Variants in P2RX4 observed in about 807,000 individuals in gnomAD.
P2RX4 encodes the protein P2X purinoceptor 4.
In P2RX4, 37 loss-of-function variants were observed where a neutral mutation model predicts 48.0. The ratio of observed to expected loss-of-function variants is 0.77; its 90% CI spans 0.59 to 1.01. P2RX4 has a LOEUF of 1.01. P2RX4 is among the 50% of genes least tolerant of loss of function. P2RX4 has a pLI of 0.00. For synonymous variants in P2RX4, 200 were observed against 199.7 expected (o/e 1.00, Z -0.01); for missense variants, 501 against 521.4 (o/e 0.96, Z 0.38).
At chr12:121,216,055 A>G (rs978253676) in intron 1 of P2RX4, 1 of 152,238 alleles carries the variant, frequency 6.6e-6, no homozygotes, top group African/African-American at 2.4e-5. Context: ...TGGGCCACAC[A>G]TTAAATATGC....
In P2RX4 at chr12:121,232,295, C is replaced by T. The variant is rs973202682; in HGVS notation, c.885-119C>T. The T allele has an allele frequency of 3.2e-5, 24 of 738,824 alleles. No homozygotes were observed. The highest frequency in any genetic ancestry group is 9.6e-5 in the South Asian group (6 of 62,720). 45.8% of individuals were successfully genotyped at this position (738,824 alleles called of 1,614,324 possible). On this transcript the variant is annotated intron_variant, in intron 8 of 11. Coordinates refer to ENST00000337233, the MANE Select transcript of P2RX4 (RefSeq NM_002560.3). The surrounding 1 kb of genome is among the most constrained non-coding windows in gnomAD (Gnocchi z 4.3). ...CAGGAGAGGCCCCGAGCCGCTCCAG[C>T]GTCCATTCAGCCGGCAGAGTGGACC...
intron 5 of P2RX4, 97 bp from the exon 6 acceptor site, chr12:121,228,436 A>C (rs1016219560): frequency 1.7e-6 from 1 of 605,186 alleles, no homozygotes; most frequent in East Asian, 3.0e-5. Flanking sequence ...ACACACACAC[A>C]ATACATATAT....
At chr12:121,218,711 G>A (rs912902494) in intron 2 of P2RX4, among the ~76,000 whole-genome samples, 14 of 150,580 alleles carry the variant, frequency 9.3e-5, no homozygotes, top group Admixed American at 3.3e-4. Flanking sequence ...TCAGCCTTCC[G>A]TGGTGGATCT....
rs2071272 is a variant in P2RX4, at chr12:121,232,989, A to C, written c.1045-8A>C. On this transcript the variant is annotated splice_polypyrimidine_tract_variant and splice_region_variant and intron_variant, in intron 10 of 11. Transcript: ENST00000337233. The surrounding 1 kb of genome is among the most constrained non-coding windows in gnomAD (Gnocchi z 4.3). Reference sequence around the variant, plus strand: ...TCCTGGCTCACTCTCACCCTATGCTAAACTCAGGCGACCGTGCTGTGTGAC... The same window carrying C: ...TCCTGGCTCACTCTCACCCTATGCTCAACTCAGGCGACCGTGCTGTGTGAC... The C allele has an allele frequency of 6.2e-7, 1 of 1,604,968 alleles. No homozygotes were observed. Among genetic ancestry groups the C allele is most frequent in the South Asian group, 1.1e-5 (1 of 90,918 alleles).
At position 121,233,651 on chromosome 12, in the gene P2RX4, T is replaced by C. The variant is rs111612985; in HGVS notation, c.*102T>C. The C allele has an allele frequency of 6.4e-7, 1 of 1,551,028 alleles. No homozygotes were observed. Among genetic ancestry groups the C allele is most frequent in the South Asian group, 1.2e-5 (1 of 84,072 alleles). On this transcript the variant is annotated 3_prime_UTR_variant, in exon 12 of 12. Coordinates refer to ENST00000337233, the MANE Select transcript of P2RX4 (RefSeq NM_002560.3). ...TCACCCCAGAGAAATTTCTGGAATC[T>C]GATTGAGTCTCCACTCCACAAGCAC...
chr12:121,225,402 T>C (rs1009381323), intron 5 of P2RX4, among the ~76,000 whole-genome samples: 6 of 150,944 alleles, frequency 4.0e-5, no homozygotes, highest in Non-Finnish European at 8.9e-5. Context: ...ATTTATTTTT[T>C]ATTTATTTGT....
At chr12:121,231,853 A>T (rs1323061937) in intron 8 of P2RX4, among the ~76,000 whole-genome samples, 1 of 151,948 alleles carries the variant, frequency 6.6e-6, no homozygotes, top group Non-Finnish European at 1.5e-5. Flanking sequence ...AAAAATCCAA[A>T]AATTAGCTGG....
chr12:121,222,675 G>T, intron 4 of P2RX4: 1 of 1,247,058 alleles, frequency 8.0e-7, no homozygotes. Flanking sequence ...GCCTCCCAAA[G>T]TGCTAGGATT....
rs1220908003 is a variant in P2RX4, at chr12:121,229,119, C to T, written c.884+20C>T. 3.7e-6 allele frequency: 6 copies of T among 1,613,812 alleles called. No homozygotes were observed. Among genetic ancestry groups the T allele is most frequent in the Non-Finnish European group, 5.1e-6 (6 of 1,179,978 alleles). On this transcript the variant is annotated intron_variant, in intron 8 of 11. Transcript: ENST00000337233. This position sits in a 1 kb window ranked among gnomAD's most constrained non-coding sequence, Gnocchi z 4.6. ...TTTCAGGTGGGCGTGAGCTTGGGCC[C>T]CTCGCTCATGTTGTAGGGGGTGCTG...
At chr12:121,221,164 GTT>G (rs879942597) in intron 2 of P2RX4, among the ~76,000 whole-genome samples, 16,422 of 129,242 alleles carry the variant, frequency 0.13, 1,201 homozygotes, top group Non-Finnish European at 0.17. Context: ...GTCTGTGTGT[GTT>G]TGTGTGTGTG....
chr12:121,222,373 T>TG (rs200393832), intron 4 of P2RX4: 8,854 of 569,314 alleles, frequency 0.016, 89 homozygotes, highest in Non-Finnish European at 0.019. Flanking sequence ...TGTTTTTTTT[T>TG]TTGTTGTTGT....
At chr12:121,217,405 A>T in intron 2 of P2RX4, 124 bp downstream of exon 2, 1 of 1,002,846 alleles carries the variant, frequency 1.0e-6, no homozygotes. Flanking sequence ...TGATTGTTTT[A>T]GTCCAAGAAA....
At chr12:121,221,462 C>T (rs1399236773) in intron 2 of P2RX4, among the ~76,000 whole-genome samples, 2 of 147,344 alleles carry the variant, frequency 1.4e-5, no homozygotes, top group Non-Finnish European at 3.0e-5. Flanking sequence ...GGCGCGATGT[C>T]GGCTCGCTGC....
intron 5 of P2RX4, 121 bp downstream of exon 5, chr12:121,223,164 C>T (rs1886756726): frequency 3.0e-6 from 2 of 674,000 alleles, no homozygotes; most frequent in Non-Finnish European, 5.4e-6. Flanking sequence ...ACCTCCACCT[C>T]CCGTGTTCAA....
chr12:121,212,792 AT>A (rs1373461107), intron 1 of P2RX4: 10 of 56,250 alleles, frequency 1.8e-4, no homozygotes, highest in African/African-American at 7.9e-4. Context: ...TCCATCTCAA[AT>A]ATATATATAT....
In P2RX4 at chr12:121,222,944, T is replaced by C; in HGVS notation, c.428-3T>C. On this transcript the variant is annotated splice_polypyrimidine_tract_variant and splice_region_variant and intron_variant, in intron 4 of 11. Transcript: ENST00000337233. ...GACCCCCCTGCCACCCTTGTGCTTG[T>C]AGGAGTCTCAACAGGCAGGTGCGTA... The C allele has an allele frequency of 1.2e-6, 2 of 1,607,610 alleles. No individual in the cohort carries two copies. The highest frequency in any genetic ancestry group is 1.7e-6 in the Non-Finnish European group (2 of 1,174,252).
In P2RX4 at chr12:121,228,879, C is replaced by T. The variant is rs1289368066; in HGVS notation, c.747+13C>T. ...CATGGCCGTGGAGGTGGGTGCGGGCCCTGGCTCTCCTGACCCAGCCCTGGA... is the reference window on the plus strand; with the variant it reads ...CATGGCCGTGGAGGTGGGTGCGGGCTCTGGCTCTCCTGACCCAGCCCTGGA... On this transcript the variant is annotated intron_variant, in intron 7 of 11. Transcript: ENST00000337233. 3 of 1,614,094 alleles carry T rather than the reference C, an allele frequency of 1.9e-6. No homozygotes were observed. The highest frequency in any genetic ancestry group is 2.5e-6 in the Non-Finnish European group (3 of 1,180,020).
chr12:121,224,673 G>A (rs1430238125), intron 5 of P2RX4, among the ~76,000 whole-genome samples: 1 of 152,044 alleles, frequency 6.6e-6, no homozygotes, highest in East Asian at 1.9e-4. Context: ...GTTCAAGGTT[G>A]CTCTAGAATA....
At chr12:121,228,405 T>C (rs113840874) in intron 5 of P2RX4, 128 bp from the exon 6 acceptor site, 10,992 of 226,006 alleles carry the variant, frequency 0.049, 475 homozygotes, top group African/African-American at 0.098. Context: ...TATATATATA[T>C]ACACACACAC....
Sources: allele counts gnomAD v4.1 joint callset (sites outside exome capture counted in the v4.1 genomes callset), GRCh38; gene constraint gnomAD v4.1.1; non-coding constraint Gnocchi (gnomAD v3.1); transcripts MANE v1.5; gene names NCBI Gene and HGNC (gene_info 2026-07-23, HGNC 2026-07-21).